Variants in ANK3 observed in about 807,000 individuals in gnomAD.
The protein encoded by ANK3 is ankyrin-3.
Under a neutral mutation model 370.9 loss-of-function variants are expected in ANK3, and 57 were observed. The ratio of observed to expected loss-of-function variants is 0.15; its 90% confidence interval spans 0.12 to 0.19. The LOEUF (loss-of-function observed/expected upper bound fraction) is 0.19. Ranked by LOEUF, ANK3 falls within the 10% of genes least tolerant of loss-of-function variation. The probability of loss-of-function intolerance (pLI) is 1.00; values close to 1 mark genes in which losing one functional copy is unlikely to be tolerated. For synonymous variants in ANK3, 1,929 were observed against 1,946.3 expected, an observed-to-expected ratio of 0.99 and a Z score of 0.23; for missense variants, 4,439 against 5,302.1, an observed-to-expected ratio of 0.84 and a Z score of 5.06.
chr10:60,333,243 G>A (rs1258930517), intron 1 of ANK3, among the ~76,000 whole-genome samples: 2 of 151,986 alleles, frequency 1.3e-5, no homozygotes, highest in East Asian at 3.9e-4. Context: ...GTGGTTTGCT[G>A]CACCCATCAA....
At chr10:60,272,185 T>C (rs1438396117) in intron 4 of ANK3, among the ~76,000 whole-genome samples, 2 of 151,820 alleles carry the variant, frequency 1.3e-5, no homozygotes, top group Non-Finnish European at 2.9e-5. Context: ...GCTATGACGC[T>C]ATGAGTGAAA....
intron 2 of ANK3, among the ~76,000 whole-genome samples, chr10:60,488,479 TAC>T (rs1251264398): frequency 2.0e-5 from 3 of 152,216 alleles, no homozygotes; most frequent in Non-Finnish European, 2.9e-5. Flanking sequence ...TTAGTATATT[TAC>T]AGAGTTGTGC....
intron 23 of ANK3, among the ~76,000 whole-genome samples, chr10:60,159,009 C>T (rs2132273492): frequency 6.6e-6 from 1 of 151,858 alleles, no homozygotes; most frequent in East Asian, 1.9e-4. Context: ...CAAAGAAAGA[C>T]AAGAAGGAAG....
At chr10:60,583,500 A>T (rs2077783919) in intron 2 of ANK3, among the ~76,000 whole-genome samples, 2 of 149,082 alleles carry the variant, frequency 1.3e-5, no homozygotes, top group Non-Finnish European at 3.0e-5. Context: ...TAGCTTACAG[A>T]GAGGTTTTTT....
intron 8 of ANK3, among the ~76,000 whole-genome samples, chr10:60,230,638 C>T (rs1474094906): frequency 6.6e-6 from 1 of 152,146 alleles, no homozygotes; most frequent in African/African-American, 2.4e-5. Flanking sequence ...CGCCTGTAAT[C>T]CCAGCACTTT....
chr10:60,040,835 G>C (rs1200138143), intron 43 of ANK3, among the ~76,000 whole-genome samples: 1 of 152,022 alleles, frequency 6.6e-6, no homozygotes, highest in African/African-American at 2.4e-5. Context: ...AAACTTTAGG[G>C]GCATACTACA....
chr10:60,210,514 G>A (rs57551335), intron 9 of ANK3, among the ~76,000 whole-genome samples: 3,446 of 152,220 alleles, frequency 0.023, 123 homozygotes, highest in African/African-American at 0.076. Context: ...GAGCAAAACC[G>A]GAGGAGATGA....
intron 2 of ANK3, among the ~76,000 whole-genome samples, chr10:60,428,125 T>G (rs1187362856): frequency 6.6e-6 from 1 of 152,196 alleles, no homozygotes; most frequent in African/African-American, 2.4e-5. Flanking sequence ...AGCATTTCCA[T>G]GCAGTGAGTC....
intron 28 of ANK3, among the ~76,000 whole-genome samples, chr10:60,101,604 T>G (rs1248870015): frequency 6.6e-6 from 1 of 152,228 alleles, no homozygotes; most frequent in African/African-American, 2.4e-5. Flanking sequence ...AAAGTTGTTC[T>G]TGTTGCATGA....
intron 7 of ANK3, among the ~76,000 whole-genome samples, chr10:60,244,601 C>T (rs2097525473): frequency 6.6e-6 from 1 of 152,126 alleles, no homozygotes; most frequent in Admixed American, 6.5e-5. Context: ...ATTTAAAACA[C>T]ATACATTTTA....
chr10:60,150,248 C>G (rs966752859), intron 23 of ANK3, among the ~76,000 whole-genome samples: 44 of 152,162 alleles, frequency 2.9e-4, no homozygotes, highest in African/African-American at 1.0e-3. Context: ...GTCCCCACTC[C>G]TGTGTGCTGA....
intron 2 of ANK3, among the ~76,000 whole-genome samples, chr10:60,596,063 T>C (rs2077984262): frequency 1.3e-5 from 2 of 152,164 alleles, no homozygotes; most frequent in Non-Finnish European, 2.9e-5. Flanking sequence ...CAGTATCATG[T>C]ACAGCATCCC....
intron 2 of ANK3, among the ~76,000 whole-genome samples, chr10:60,395,620 C>CTT (rs57944792): frequency 0.052 from 1,643 of 31,686 alleles, 13 homozygotes; most frequent in East Asian, 0.12. Flanking sequence ...CTCTTTCGTT[C>CTT]TCTCTCTCTC....
chr10:60,240,645 G>A (rs2097440779), intron 7 of ANK3, among the ~76,000 whole-genome samples: 1 of 152,094 alleles, frequency 6.6e-6, no homozygotes, highest in South Asian at 2.1e-4. Flanking sequence ...AGGCTGGAGT[G>A]CAGTAGCACA....
intron 2 of ANK3, among the ~76,000 whole-genome samples, chr10:60,458,614 T>C (rs1046910112): frequency 2.6e-5 from 4 of 152,114 alleles, no homozygotes; most frequent in African/African-American, 9.7e-5. Context: ...CAGAGGTTAC[T>C]TTTTCTTGTG....
At position 60,086,897 on chromosome 10, in the gene ANK3, A is replaced by G. The variant is rs138231124; in HGVS notation, c.3541-13T>C. 608 of 1,574,830 alleles carry G rather than the reference A, an allele frequency of 3.9e-4. 5 individuals carry two copies. In the East Asian group the frequency reaches 0.011, roughly 29 times the overall value. ...GAACAGGCTGGGCCTAGAGACAGAG[A>G]AAGGACTTTAAATGAAAGTGACTTT... On this transcript the variant is annotated splice_polypyrimidine_tract_variant and intron_variant, in intron 29 of 43. Coordinates refer to ENST00000280772, the MANE Select transcript of ANK3 (RefSeq NM_020987.5).
chr10:60,296,791 AC>A (rs1480817904), intron 1 of ANK3, among the ~76,000 whole-genome samples: 2 of 152,042 alleles, frequency 1.3e-5, no homozygotes, highest in Non-Finnish European at 2.9e-5. Flanking sequence ...CTTGGGCTGA[AC>A]ATAGTGGGGC....
intron 1 of ANK3, among the ~76,000 whole-genome samples, chr10:60,705,430 T>G (rs1398073103): frequency 6.6e-6 from 1 of 152,196 alleles, no homozygotes; most frequent in Non-Finnish European, 1.5e-5. Flanking sequence ...TCCAATGAAG[T>G]AGGTATAATG....
chr10:60,558,381 C>T (rs554951334), intron 2 of ANK3, among the ~76,000 whole-genome samples: 1 of 152,262 alleles, frequency 6.6e-6, no homozygotes, highest in South Asian at 2.1e-4. Flanking sequence ...TGGCAGAAAA[C>T]AGTGATATTT....
Sources: allele counts gnomAD v4.1 joint callset (sites outside exome capture counted in the v4.1 genomes callset), GRCh38; gene constraint gnomAD v4.1.1; transcripts MANE v1.5; gene names NCBI Gene and HGNC (gene_info 2026-07-23, HGNC 2026-07-21).